NRXN1: variants seen among roughly 807,000 people sequenced by gnomAD.
The protein encoded by NRXN1 is neurexin 1.
A neutral mutation model predicts 150.9 loss-of-function variants in NRXN1; 39 were observed. The ratio of observed to expected loss-of-function variants is 0.26; its 90% CI spans 0.20 to 0.34. The LOEUF (loss-of-function observed/expected upper bound fraction) is 0.34, where lower values mean the gene tolerates loss of function less well. NRXN1 is among the 10% of genes least tolerant of loss of function. The pLI, the probability that NRXN1 is intolerant of heterozygous loss-of-function variation, is 1.00. For missense variants in NRXN1, 1,815 were observed against 1,949.9 expected (o/e 0.93, Z 1.30); for synonymous variants, 924 against 757.0 (o/e 1.22, Z -3.62).
At chr2:50,828,572 G>T (rs1286648780) in intron 5 of NRXN1, among the ~76,000 whole-genome samples, 1 of 143,888 alleles carries the variant, frequency 6.9e-6, no homozygotes, top group Admixed American at 6.9e-5. Context: ...GGGCAGAGGC[G>T]CTCCTTACAT....
intron 21 of NRXN1, among the ~76,000 whole-genome samples, chr2:50,018,305 A>C (rs1686981701): frequency 6.6e-6 from 1 of 152,216 alleles, no homozygotes; most frequent in African/African-American, 2.4e-5. Context: ...CTATGTATTC[A>C]GGGAAATAGA....
At chr2:49,963,445 A>T (rs1676362355) in intron 21 of NRXN1, among the ~76,000 whole-genome samples, 1 of 152,220 alleles carries the variant, frequency 6.6e-6, no homozygotes, top group African/African-American at 2.4e-5. Flanking sequence ...AAAAGCTAAG[A>T]AAAGAGTTCC....
intron 21 of NRXN1, among the ~76,000 whole-genome samples, chr2:49,976,376 T>C (rs1311291232): frequency 6.6e-6 from 1 of 152,124 alleles, no homozygotes; most frequent in Non-Finnish European, 1.5e-5. Flanking sequence ...CAGTTAATAG[T>C]GGCCAAATAG....
chr2:50,925,460 C>T (rs1012821730), intron 3 of NRXN1, among the ~76,000 whole-genome samples: 1 of 151,826 alleles, frequency 6.6e-6, no homozygotes, highest in Non-Finnish European at 1.5e-5. Flanking sequence ...ATGTCTCTTA[C>T]TTATACTCAG....
At chr2:50,997,261 C>T (rs998116343) in intron 2 of NRXN1, among the ~76,000 whole-genome samples, 1 of 151,750 alleles carries the variant, frequency 6.6e-6, no homozygotes, top group Non-Finnish European at 1.5e-5. Flanking sequence ...CGGCAAAACC[C>T]CATCTCTACA....
chr2:50,410,819 G>C (rs1300752060), intron 17 of NRXN1, among the ~76,000 whole-genome samples: 1 of 152,178 alleles, frequency 6.6e-6, no homozygotes, highest in African/African-American at 2.4e-5. Flanking sequence ...AGAGAGACCA[G>C]GGAGCACAGT....
intron 21 of NRXN1, among the ~76,000 whole-genome samples, chr2:50,004,500 A>C (rs149796248): frequency 1.7e-3 from 260 of 152,230 alleles, no homozygotes; most frequent in African/African-American, 6.0e-3. Flanking sequence ...TCTTCTCCCT[A>C]CTGCTAATTT....
At chr2:49,952,452 A>G (rs914267432) in intron 21 of NRXN1, among the ~76,000 whole-genome samples, 6 of 152,066 alleles carry the variant, frequency 3.9e-5, no homozygotes, top group African/African-American at 9.7e-5. Flanking sequence ...TAAAAATCCA[A>G]TTACAGAAAT....
At chr2:50,745,710 C>T (rs1574326462) in intron 5 of NRXN1, among the ~76,000 whole-genome samples, 2 of 152,040 alleles carry the variant, frequency 1.3e-5, no homozygotes, top group East Asian at 3.9e-4. Context: ...CCTCACATGG[C>T]AGCAGGAGAC....
chr2:50,319,210 TTTAA>T lies in NRXN1; in HGVS notation c.3365-82244_3365-82241del, dbSNP rs2075838113. ...ACTGAAAGTTGAAAATGTTTGTTTGTTTAATTATTTTAGTTTGTACTTCATTTTT... is the reference window on the plus strand; with the variant it reads ...ACTGAAAGTTGAAAATGTTTGTTTGTTTATTTTAGTTTGTACTTCATTTTT... On this transcript the variant is annotated intron_variant, in intron 17 of 22. Coordinates refer to ENST00000401669, the MANE Select transcript of NRXN1 (RefSeq NM_001330078.2). Among the ~76,000 whole-genome samples the T allele has an allele frequency of 3.3e-5, 5 of 152,294 alleles. No individual in the cohort carries two copies. In the South Asian group the frequency reaches 1.0e-3, roughly 32 times the overall value.
chr2:50,226,665 T>C (rs976748389), intron 18 of NRXN1, among the ~76,000 whole-genome samples: 2 of 151,942 alleles, frequency 1.3e-5, no homozygotes, highest in African/African-American at 2.4e-5. Context: ...AAGTTGGCCT[T>C]TGAAGTATTT....
chr2:50,207,624 A>G (rs1172198449), intron 18 of NRXN1: 1 of 167,938 alleles, frequency 6.0e-6, no homozygotes, highest in African/African-American at 2.4e-5. Context: ...TTTGAATCAA[A>G]TATTATACTT....
chr2:50,667,454 T>G (rs1167818281), intron 5 of NRXN1, among the ~76,000 whole-genome samples: 1 of 151,984 alleles, frequency 6.6e-6, no homozygotes, highest in Non-Finnish European at 1.5e-5. Context: ...AGTATATCAA[T>G]TTCTGTGAAA....
At chr2:50,280,470 T>C (rs565627137) in intron 17 of NRXN1, among the ~76,000 whole-genome samples, 1 of 152,250 alleles carries the variant, frequency 6.6e-6, no homozygotes, top group African/African-American at 2.4e-5. Context: ...TGGATCCTGA[T>C]GAACCTCAGT....
intron 21 of NRXN1, among the ~76,000 whole-genome samples, chr2:49,962,650 G>T (rs1315989077): frequency 1.3e-5 from 2 of 152,100 alleles, no homozygotes. Flanking sequence ...TGTGGTAACG[G>T]TAGAGGGTAA....
At chr2:50,156,778 G>C (rs940656002) in intron 18 of NRXN1, among the ~76,000 whole-genome samples, 1 of 151,732 alleles carries the variant, frequency 6.6e-6, no homozygotes, top group African/African-American at 2.4e-5. Context: ...CCCCTTTCAA[G>C]TCAGTTGCAA....
chr2:50,342,882 T>C (rs1307317384), intron 17 of NRXN1, among the ~76,000 whole-genome samples: 1 of 152,234 alleles, frequency 6.6e-6, no homozygotes, highest in African/African-American at 2.4e-5. Flanking sequence ...TTTTGGCCCA[T>C]TTATGGTATG....
At chr2:50,584,714 TTCAAGG>T (rs1672813208) in intron 8 of NRXN1, among the ~76,000 whole-genome samples, 1 of 152,188 alleles carries the variant, frequency 6.6e-6, no homozygotes, top group Non-Finnish European at 1.5e-5. Flanking sequence ...TCTTGGAATG[TTCAAGG>T]TCAGTATTGA....
At chr2:50,801,726 T>C (rs1451771618) in intron 5 of NRXN1, among the ~76,000 whole-genome samples, 5 of 152,180 alleles carry the variant, frequency 3.3e-5, no homozygotes, top group Non-Finnish European at 7.3e-5. Context: ...ATTTGTATTT[T>C]CATTATTTCA....
Sources: gnomAD v4.1 joint callset for allele counts (sites outside exome capture counted in the v4.1 genomes callset) on GRCh38, gnomAD v4.1.1 for gene constraint, MANE v1.5 for transcripts, NCBI Gene and HGNC (gene_info 2026-07-23, HGNC 2026-07-21) for gene names.